Variants in IMPG2 observed in about 807,000 individuals in gnomAD.
IMPG2 encodes IPM 200.
A neutral mutation model predicts 129.2 loss-of-function variants in IMPG2; 91 were observed. The ratio of observed to expected loss-of-function variants is 0.70; its 90% CI spans 0.59 to 0.84. The LOEUF (loss-of-function observed/expected upper bound fraction) is 0.84. IMPG2 is among the 40% of genes least tolerant of loss of function. IMPG2 has a pLI of 0.00. For missense variants in IMPG2, 1,430 were observed against 1,461.7 expected (o/e 0.98, Z 0.35); for synonymous variants, 510 against 517.7 (o/e 0.99, Z 0.20).
intron 2 of IMPG2, among the ~76,000 whole-genome samples, chr3:101,314,697 G>T (rs1055826879): frequency 1.3e-5 from 2 of 151,810 alleles, no homozygotes; most frequent in Non-Finnish European, 2.9e-5. Context: ...TACTATACCT[G>T]GTAGAATCAG....
chr3:101,319,518 C>G, intron 2 of IMPG2, 66 bp downstream of exon 2: 1 of 1,584,480 alleles, frequency 6.3e-7, no homozygotes, highest in Non-Finnish European at 8.6e-7. Context: ...TACAATGTTA[C>G]CTAACAAATG....
chr3:101,294,124 T>G (rs1246680808), intron 3 of IMPG2, among the ~76,000 whole-genome samples: 1 of 152,214 alleles, frequency 6.6e-6, no homozygotes. Context: ...GTGTAGAATG[T>G]GTAGGTTTGT....
chr3:101,259,376 A>G (rs565176012), intron 9 of IMPG2, among the ~76,000 whole-genome samples: 10 of 152,274 alleles, frequency 6.6e-5, no homozygotes, highest in African/African-American at 2.4e-4. Context: ...AAATTAATGA[A>G]AAATTGAATA....
intron 4 of IMPG2, among the ~76,000 whole-genome samples, chr3:101,284,697 T>C (rs1706927307): frequency 6.6e-6 from 1 of 152,176 alleles, no homozygotes; most frequent in Non-Finnish European, 1.5e-5. Context: ...AAAGAAGTAA[T>C]ATTCCTTGTC....
At chr3:101,279,590 T>C (rs567212575) in intron 4 of IMPG2, among the ~76,000 whole-genome samples, 2 of 152,086 alleles carry the variant, frequency 1.3e-5, no homozygotes, top group Non-Finnish European at 2.9e-5. Context: ...CAACCAGATA[T>C]AAGGATCACA....
chr3:101,304,846 T>C (rs2107137586), intron 2 of IMPG2, among the ~76,000 whole-genome samples: 1 of 94,954 alleles, frequency 1.1e-5, no homozygotes, highest in South Asian at 4.4e-4. Context: ...AGTCATCACA[T>C]ATTTCTGATA....
intron 9 of IMPG2, among the ~76,000 whole-genome samples, chr3:101,264,099 C>T (rs1012116059): frequency 2.0e-5 from 3 of 151,916 alleles, no homozygotes; most frequent in Non-Finnish European, 4.4e-5. Flanking sequence ...AAAAAGTCTA[C>T]TGAAAAAGAA....
chr3:101,269,660 G>A, intron 7 of IMPG2, 87 bp from the exon 8 acceptor site: 2 of 826,352 alleles, frequency 2.4e-6, no homozygotes, highest in Non-Finnish European at 4.1e-6. Context: ...AGAATAAAAA[G>A]TGAACTGTTC....
Position 101,225,557 on chromosome 3 carries a change from G to A in IMPG2, c.*1412C>T, listed in dbSNP as rs565945347. ...ATTTAGTTTCCGGTGTCCTCATAAT[G>A]AGCAGAATTGGCAGTCATCAAGTTG... On this transcript the variant is annotated 3_prime_UTR_variant, in exon 19 of 19. Transcript: ENST00000193391. The A allele has an allele frequency of 6.6e-6, 1 of 152,016 alleles. No homozygotes were observed. The highest frequency in any genetic ancestry group is 1.5e-5 in the Non-Finnish European group (1 of 68,026). 9.4% of individuals were successfully genotyped at this position (152,016 alleles called of 1,614,324 possible). A position where few individuals can be genotyped will look rare whatever the true frequency, so the allele number is the denominator to read the frequency against.
In IMPG2 at chr3:101,244,029, G is replaced by C. The variant is rs1706442158; in HGVS notation, c.2302C>G (p.Pro768Ala). 2 of 1,614,076 alleles carry C rather than the reference G, an allele frequency of 1.2e-6. No individual in the cohort carries two copies. The highest frequency in any genetic ancestry group is 1.7e-6 in the Non-Finnish European group (2 of 1,180,028). ...WFDSEVSMVK[P>A]DMQTLWTILP... ...ATAGTCCACAAAGTTTGCATATCTG[G>C]CTTTACCATTGAAACCTCACTGTCA... Residue 768 changes from proline (P) to alanine (A), a missense_variant, in exon 13 of 19, where the codon CCA (proline) becomes GCA (alanine). Pro to Ala is a conservative substitution (Grantham distance 27, BLOSUM62 -1). Coordinates refer to ENST00000193391, the MANE Select transcript of IMPG2 (RefSeq NM_016247.4).
chr3:101,286,571 C>T (rs965994702), intron 4 of IMPG2, among the ~76,000 whole-genome samples: 3 of 152,200 alleles, frequency 2.0e-5, no homozygotes, highest in African/African-American at 7.2e-5. Context: ...CATATCAGTA[C>T]TTTGAATGCT....
At position 101,245,873 on chromosome 3, in the gene IMPG2, G is replaced by A. The variant is rs374379401; in HGVS notation, c.1472C>T (p.Pro491Leu). 7.4e-5 allele frequency: 119 copies of A among 1,614,094 alleles called. No individual in the cohort carries two copies. Among genetic ancestry groups the A allele is most frequent in the African/African-American group, 1.5e-4 (11 of 75,034 alleles). ...AGGCAAGCCAGTCTGAAGCACTGCC[G>A]GGGTGACAGAATGAAGAGTCAAGCT... ...VSSLTLHSVT[P>L]AVLQTGLPVA... Residue 491 changes from proline (P) to leucine (L), a missense_variant, in exon 12 of 19, where the codon CCG becomes CTG. Pro to Leu is a moderately conservative substitution (Grantham distance 98). Transcript: ENST00000193391.
At chr3:101,245,326 T>C (rs1706464909) in intron 12 of IMPG2, among the ~76,000 whole-genome samples, 1 of 152,184 alleles carries the variant, frequency 6.6e-6, no homozygotes, top group Non-Finnish European at 1.5e-5. Context: ...AGATTATCTA[T>C]TTCATTTTCA....
chr3:101,234,190 C>A (rs1407381357), intron 14 of IMPG2, among the ~76,000 whole-genome samples: 2 of 149,258 alleles, frequency 1.3e-5, no homozygotes, highest in Non-Finnish European at 3.0e-5. Flanking sequence ...TTAGAATGAG[C>A]CCTAATGCAA....
intron 4 of IMPG2, among the ~76,000 whole-genome samples, chr3:101,281,936 G>C (rs1706897369): frequency 6.6e-6 from 1 of 152,196 alleles, no homozygotes; most frequent in Admixed American, 6.5e-5. Context: ...TAGCCATGCT[G>C]ATACTTTGAG....
chr3:101,313,963 A>C (rs1460677012), intron 2 of IMPG2, among the ~76,000 whole-genome samples: 1 of 152,120 alleles, frequency 6.6e-6, no homozygotes, highest in Non-Finnish European at 1.5e-5. Context: ...CAGAAATTAC[A>C]TTTTTTAAAA....
At chr3:101,243,111 A>C (rs1457354353) in intron 13 of IMPG2, among the ~76,000 whole-genome samples, 1 of 152,240 alleles carries the variant, frequency 6.6e-6, no homozygotes, top group African/African-American at 2.4e-5. Context: ...TAAGATTTTC[A>C]TAGTGATATT....
chr3:101,254,988 T>G (rs1420692246), intron 10 of IMPG2, among the ~76,000 whole-genome samples: 1 of 152,014 alleles, frequency 6.6e-6, no homozygotes, highest in Non-Finnish European at 1.5e-5. Flanking sequence ...TCCACCATGG[T>G]AAGACGTGCT....
rs375409188 is a variant in IMPG2, at chr3:101,269,493, A to G, written c.887+22T>C. On this transcript the variant is annotated intron_variant, in intron 8 of 18. Transcript: ENST00000193391. Reference sequence around the variant, plus strand: ...ATAAAGAATACTACTGAAAATGTGCATATTTAGATAAGTCTATTTACCTAA... The same window carrying G: ...ATAAAGAATACTACTGAAAATGTGCGTATTTAGATAAGTCTATTTACCTAA... 3 of 1,347,426 alleles carry G rather than the reference A, an allele frequency of 2.2e-6. No individual in the cohort carries two copies. In the African/African-American group the frequency reaches 4.3e-5, roughly 19 times the overall value. 83.5% of individuals were successfully genotyped at this position (1,347,426 alleles called of 1,614,324 possible).
Sources: gnomAD v4.1 joint callset for allele counts (sites outside exome capture counted in the v4.1 genomes callset) on GRCh38, gnomAD v4.1.1 for gene constraint, MANE v1.5 for transcripts, NCBI Gene and HGNC (gene_info 2026-07-23, HGNC 2026-07-21) for gene names.